PRKG1: variants seen among roughly 807,000 people sequenced by gnomAD.
The protein encoded by PRKG1 is cGMP-dependent protein kinase 1.
In PRKG1, 35 loss-of-function variants were observed where a neutral mutation model predicts 88.1. That is an observed-to-expected ratio of 0.40 (90% confidence interval 0.30 to 0.53). The LOEUF (loss-of-function observed/expected upper bound fraction) is 0.53, where lower values mean the gene tolerates loss of function less well. PRKG1 is among the 20% of genes least tolerant of loss of function. PRKG1 has a pLI of 0.59. For missense variants in PRKG1, 540 were observed against 839.8 expected (o/e 0.64, Z 4.41); for synonymous variants, 303 against 292.5 (o/e 1.04, Z -0.37).
intron 1 of PRKG1, among the ~76,000 whole-genome samples, chr10:51,058,415 T>C (rs1843656602): frequency 6.6e-6 from 1 of 152,090 alleles, no homozygotes; most frequent in African/African-American, 2.4e-5. Context: ...CACAGCAAAA[T>C]TGAGCAAAAG....
chr10:51,562,811 C>T lies in PRKG1; in HGVS notation c.592+94975C>T, dbSNP rs576558994. Among the ~76,000 whole-genome samples the T allele has an allele frequency of 5.9e-3, 891 of 152,182 alleles. 6 individuals carry two copies. Among genetic ancestry groups the T allele is most frequent in the African/African-American group, 0.021 (858 of 41,518 alleles). ...AGAGACAGAGTCTCATTCTGTCACC[C>T]AGGCTGGAGTAGAGTGGTGCAATCT... is the stretch of plus-strand genomic sequence containing the variant. On this transcript the variant is annotated intron_variant, in intron 3 of 17. Coordinates refer to ENST00000373980, the MANE Select transcript of PRKG1 (RefSeq NM_006258.4).
chr10:51,823,863 C>A (rs1160797393), intron 4 of PRKG1, among the ~76,000 whole-genome samples: 1 of 127,158 alleles, frequency 7.9e-6, no homozygotes, highest in Non-Finnish European at 1.6e-5. Flanking sequence ...TTTTTTCTCT[C>A]TCCTTTTTTT....
At chr10:51,690,792 G>A (rs190331156) in intron 3 of PRKG1, among the ~76,000 whole-genome samples, 19 of 151,660 alleles carry the variant, frequency 1.3e-4, no homozygotes, top group Admixed American at 1.1e-3. Flanking sequence ...TGGGTGTGGT[G>A]GCGAGCACCT....
chr10:51,082,989 G>T lies in PRKG1; in HGVS notation c.311+8088G>T, dbSNP rs576542527. ...CAAAGTGATTATAATATTCAGCCAG[G>T]GTTGAGAAACCTCTGCTATGACCCA... On this transcript the variant is annotated intron_variant, in intron 1 of 17. Transcript: ENST00000373980. Among the ~76,000 whole-genome samples the T allele has an allele frequency of 6.6e-5, 10 of 152,176 alleles. No individual in the cohort carries two copies. In the South Asian group the frequency reaches 2.1e-3, roughly 32 times the overall value.
Position 51,153,330 on chromosome 10 carries a change from G to A in PRKG1, c.478G>A (p.Asp160Asn). The change falls in exon 2 of 18, where the codon GAT becomes AAT. Residue 160 changes from aspartate to asparagine, a missense_variant and splice_region_variant. Around this residue, in one of 5 missense-constraint regions of PRKG1, gnomAD observed 400 missense variants for 562.7 expected, o/e 0.71. Transcript: ENST00000373980. ...GGGGTCACTGGTGTATGTCATGGAA[G>A]GTACGGTTTGTAACTCCAATCCTCT... Reference protein sequence around the residue: ...DVGSLVYVMEDGKVEVTKEGV... With the variant: ...DVGSLVYVMENGKVEVTKEGV... The A allele has an allele frequency of 6.3e-7, 1 of 1,594,320 alleles. No individual in the cohort carries two copies. Among genetic ancestry groups the A allele is most frequent in the Non-Finnish European group, 8.6e-7 (1 of 1,169,078 alleles).
At position 51,917,305 on chromosome 10, in the gene PRKG1, C is replaced by A. The variant is rs188574743; in HGVS notation, c.762+9735C>A. Reference sequence around the variant, plus strand: ...CTGCACTCCAGCCTGAGCAACAGAGCAAGACTCCATCTCAAAAAAAAAAAA... The same window carrying A: ...CTGCACTCCAGCCTGAGCAACAGAGAAAGACTCCATCTCAAAAAAAAAAAA... On this transcript the variant is annotated intron_variant, in intron 5 of 17. Transcript: ENST00000373980. Among the ~76,000 whole-genome samples the A allele has an allele frequency of 6.6e-3, 835 of 126,994 alleles. 10 individuals are homozygous for A. Among genetic ancestry groups the A allele is most frequent in the African/African-American group, 0.025 (791 of 31,104 alleles). 83.3% of individuals were successfully genotyped at this position (126,994 alleles called of 152,430 possible).
chr10:51,099,533 C>G (rs1208782127), intron 1 of PRKG1, among the ~76,000 whole-genome samples: 3 of 151,978 alleles, frequency 2.0e-5, no homozygotes, highest in Non-Finnish European at 4.4e-5. Context: ...TGTTCCTTAT[C>G]CTCTGGGAAA....
intron 5 of PRKG1, among the ~76,000 whole-genome samples, chr10:52,031,980 T>C (rs945550044): frequency 2.0e-4 from 31 of 152,052 alleles, no homozygotes; most frequent in Admixed American, 6.5e-5. Flanking sequence ...GGCTGGAGTG[T>C]AGAGGGAGAG....
chr10:51,710,620 C>T (rs972516248), intron 3 of PRKG1, among the ~76,000 whole-genome samples: 1 of 152,170 alleles, frequency 6.6e-6, no homozygotes, highest in African/African-American at 2.4e-5. Context: ...AAACGTTAAC[C>T]TTAAAGCGTA....
intron 2 of PRKG1, among the ~76,000 whole-genome samples, chr10:51,252,162 CA>C (rs1477178610): frequency 6.6e-6 from 1 of 151,442 alleles, no homozygotes; most frequent in Non-Finnish European, 1.5e-5. Context: ...ATGACAGAAG[CA>C]AAACAAAAAC....
In PRKG1 at chr10:50,991,282, C is replaced by T; in HGVS notation, c.-97C>T. ...CTTAGCGCCCATTCACTCGCTCACC[C>T]GCGCTCTCCGCTGCCGGCTGCCGTC... On this transcript the variant is annotated 5_prime_UTR_variant, in exon 1 of 18. Coordinates refer to the PRKG1 transcript ENST00000401604. This position sits in a 1 kb window ranked among gnomAD's most constrained non-coding sequence, Gnocchi z 4.5. 6.9e-7 allele frequency: 1 copy of T among 1,446,208 alleles called. No individual in the cohort carries two copies. The highest frequency in any genetic ancestry group is 9.1e-7 in the Non-Finnish European group (1 of 1,099,596). 89.6% of individuals were successfully genotyped at this position (1,446,208 alleles called of 1,614,324 possible). A position where few individuals can be genotyped will look rare whatever the true frequency, so the allele number is the denominator to read the frequency against.
At chr10:51,620,055 G>C (rs192163948) in intron 3 of PRKG1, among the ~76,000 whole-genome samples, 63 of 152,176 alleles carry the variant, frequency 4.1e-4, no homozygotes, top group African/African-American at 1.4e-3. Context: ...TATCTGAATG[G>C]TTGTTGTGTT....
chr10:51,823,642 A>C (rs1396988990), intron 4 of PRKG1, among the ~76,000 whole-genome samples: 1 of 152,006 alleles, frequency 6.6e-6, no homozygotes, highest in Non-Finnish European at 1.5e-5. Context: ...TTCTTGAAAC[A>C]TTTCGATGTT....
At chr10:52,271,298 C>T in intron 10 of PRKG1, 52 bp from the exon 11 acceptor site, 5 of 1,566,056 alleles carry the variant, frequency 3.2e-6, no homozygotes, top group Non-Finnish European at 4.4e-6. Flanking sequence ...GATAATAATG[C>T]ACTCTTACAA....
chr10:51,553,572 T>C (rs1663524799), intron 3 of PRKG1, among the ~76,000 whole-genome samples: 1 of 151,628 alleles, frequency 6.6e-6, no homozygotes, highest in African/African-American at 2.4e-5. Flanking sequence ...CATTCTCTCC[T>C]GAAAAGGCAG....
chr10:52,240,293 T>G (rs1840825680), intron 9 of PRKG1, among the ~76,000 whole-genome samples: 1 of 152,108 alleles, frequency 6.6e-6, no homozygotes, highest in Non-Finnish European at 1.5e-5. Context: ...ATGTCCTAAT[T>G]CTAGTCTAAT....
intron 5 of PRKG1, among the ~76,000 whole-genome samples, chr10:52,010,339 A>T (rs932193255): frequency 6.6e-6 from 1 of 152,150 alleles, no homozygotes; most frequent in Non-Finnish European, 1.5e-5. Flanking sequence ...AAACAATCAC[A>T]TTAAAAAGTG....
chr10:51,813,735 A>G (rs1037007014), intron 4 of PRKG1, among the ~76,000 whole-genome samples: 9 of 152,038 alleles, frequency 5.9e-5, no homozygotes, highest in African/African-American at 2.2e-4. Flanking sequence ...TTAAATTGGC[A>G]TTTACTTAGC....
intron 1 of PRKG1, among the ~76,000 whole-genome samples, 179 bp downstream of exon 1, chr10:51,075,080 A>G (rs1843913399): frequency 1.3e-5 from 2 of 152,260 alleles, no homozygotes; most frequent in South Asian, 4.1e-4. Flanking sequence ...AGCCAGACTC[A>G]CTGCACATAC....
Sources: gnomAD v4.1 joint callset for allele counts (sites outside exome capture counted in the v4.1 genomes callset) on GRCh38, gnomAD v4.1.1 for gene constraint, gnomAD v4.1.1 regional missense constraint, Gnocchi (gnomAD v3.1) non-coding constraint, MANE v1.5 for transcripts, NCBI Gene and HGNC (gene_info 2026-07-23, HGNC 2026-07-21) for gene names.